EBF1: variants seen among roughly 807,000 people sequenced by gnomAD.
EBF1 encodes transcription factor COE1.
In EBF1, 10 loss-of-function variants were observed where a neutral mutation model predicts 68.4. That is an observed-to-expected ratio of 0.15 (90% CI 0.09 to 0.25). The LOEUF (loss-of-function observed/expected upper bound fraction) is 0.25. Among genes scored for constraint, EBF1 ranks in the 10% least tolerant of loss-of-function variants. The pLI is 1.00. For missense variants in EBF1, 509 were observed against 794.4 expected (o/e 0.64, Z 4.32); for synonymous variants, 298 against 299.8 (o/e 0.99, Z 0.06).
chr5:158,966,516 A>T (rs1292029793), intron 6 of EBF1, among the ~76,000 whole-genome samples: 1 of 152,206 alleles, frequency 6.6e-6, no homozygotes, highest in Non-Finnish European at 1.5e-5. Flanking sequence ...CCACTGAAAA[A>T]TAGGCTCACA....
intron 15 of EBF1, among the ~76,000 whole-genome samples, 191 bp downstream of exon 15, chr5:158,707,788 T>C (rs561613985): frequency 3.9e-5 from 6 of 152,092 alleles, no homozygotes; most frequent in Non-Finnish European, 8.8e-5. Context: ...AGAGGAGAGA[T>C]GAGTATGGCC....
chr5:158,856,508 T>C (rs1794038399), intron 6 of EBF1, among the ~76,000 whole-genome samples: 1 of 152,234 alleles, frequency 6.6e-6, no homozygotes, highest in African/African-American at 2.4e-5. Flanking sequence ...ACCAATTTCC[T>C]TTGATGATGG....
intron 2 of EBF1, chr5:159,096,728 G>A (rs1782686693): frequency 9.7e-6 from 6 of 619,824 alleles, no homozygotes; most frequent in African/African-American, 3.7e-5. Context: ...GGGTGCCCAT[G>A]GCTGTGGATT....
intron 6 of EBF1, among the ~76,000 whole-genome samples, chr5:159,047,648 T>A (rs1262856403): frequency 6.6e-6 from 1 of 152,192 alleles, no homozygotes; most frequent in Non-Finnish European, 1.5e-5. Context: ...ACATGAATTT[T>A]ATGTTCCCCT....
chr5:159,063,676 A>G (rs1348493740), intron 6 of EBF1, among the ~76,000 whole-genome samples: 2 of 152,198 alleles, frequency 1.3e-5, no homozygotes, highest in African/African-American at 2.4e-5. Flanking sequence ...ACAATGAATG[A>G]GTCTTTATCT....
intron 10 of EBF1, among the ~76,000 whole-genome samples, chr5:158,751,652 G>C (rs928302394): frequency 1.3e-5 from 2 of 152,074 alleles, no homozygotes; most frequent in African/African-American, 4.8e-5. Flanking sequence ...CTTACCTGTT[G>C]AATCAGGACA....
intron 6 of EBF1, among the ~76,000 whole-genome samples, chr5:158,877,730 A>G (rs1016573514): frequency 1.3e-5 from 2 of 152,020 alleles, no homozygotes; most frequent in African/African-American, 2.4e-5. Context: ...TCCAATTGGT[A>G]TTATATTTTG....
At chr5:158,719,704 T>A (rs2127511818) in intron 11 of EBF1, among the ~76,000 whole-genome samples, 1 of 152,290 alleles carries the variant, frequency 6.6e-6, no homozygotes, top group Admixed American at 6.5e-5. Flanking sequence ...TTTCTTTTGT[T>A]CATAGCACAT....
At chr5:158,960,892 G>A (rs1818053434) in intron 6 of EBF1, among the ~76,000 whole-genome samples, 1 of 152,142 alleles carries the variant, frequency 6.6e-6, no homozygotes, top group Admixed American at 6.5e-5. Context: ...GAACTACCTT[G>A]GAAACAGATC....
chr5:158,777,309 A>C, intron 10 of EBF1, 104 bp downstream of exon 10: 1 of 1,271,528 alleles, frequency 7.9e-7, no homozygotes, highest in South Asian at 2.7e-5. Context: ...GCAGGCTTTA[A>C]CTAGATTTTA....
At chr5:159,050,330 C>G (rs1418021369) in intron 6 of EBF1, among the ~76,000 whole-genome samples, 1 of 151,952 alleles carries the variant, frequency 6.6e-6, no homozygotes, top group African/African-American at 2.4e-5. Flanking sequence ...CTCTTGTTCT[C>G]TCTTGACTTC....
chr5:158,850,044 G>A (rs926131122), intron 6 of EBF1, among the ~76,000 whole-genome samples: 4 of 152,162 alleles, frequency 2.6e-5, no homozygotes, highest in Non-Finnish European at 5.9e-5. Context: ...AACTGGGAAG[G>A]CTCCACACCA....
chr5:158,909,896 G>A (rs1805528269), intron 6 of EBF1, among the ~76,000 whole-genome samples: 1 of 138,568 alleles, frequency 7.2e-6, no homozygotes. Context: ...AGCAGAGGTT[G>A]CAGTGAGCCG....
chr5:159,048,716 C>T (rs1196874043), intron 6 of EBF1, among the ~76,000 whole-genome samples: 2 of 152,158 alleles, frequency 1.3e-5, no homozygotes, highest in Non-Finnish European at 2.9e-5. Context: ...CATCCAAATC[C>T]CTGCTGAAGG....
At chr5:159,062,915 A>G (rs1394492386) in intron 6 of EBF1, among the ~76,000 whole-genome samples, 1 of 152,260 alleles carries the variant, frequency 6.6e-6, no homozygotes, top group Non-Finnish European at 1.5e-5. Flanking sequence ...GGAGATTTGC[A>G]TGGTAATCGT....
intron 8 of EBF1, among the ~76,000 whole-genome samples, chr5:158,822,283 T>A (rs980055116): frequency 6.9e-6 from 1 of 143,934 alleles, no homozygotes; most frequent in Non-Finnish European, 1.6e-5. Flanking sequence ...GATGGATGGA[T>A]GGATGGATGG....
chr5:158,917,716 C>G (rs141798832), intron 6 of EBF1, among the ~76,000 whole-genome samples: 1 of 152,294 alleles, frequency 6.6e-6, no homozygotes, highest in East Asian at 1.9e-4. Flanking sequence ...AGTAAATATT[C>G]CAGGTGGTAC....
intron 6 of EBF1, among the ~76,000 whole-genome samples, chr5:158,868,009 CTG>C (rs1206087280): frequency 6.6e-6 from 1 of 152,022 alleles, no homozygotes; most frequent in East Asian, 1.9e-4. Flanking sequence ...TCTCTAAAGA[CTG>C]TATATCTACA....
At chr5:158,780,086 A>C (rs1399382617) in intron 9 of EBF1, among the ~76,000 whole-genome samples, 1 of 152,176 alleles carries the variant, frequency 6.6e-6, no homozygotes, top group Non-Finnish European at 1.5e-5. Flanking sequence ...ATGGAGGAAA[A>C]ACATTTTAGC....
Sources: allele counts gnomAD v4.1 joint callset (sites outside exome capture counted in the v4.1 genomes callset), GRCh38; gene constraint gnomAD v4.1.1; transcripts MANE v1.5; gene names NCBI Gene and HGNC (gene_info 2026-07-23, HGNC 2026-07-21).